CLSTN2: variants seen among roughly 807,000 people sequenced by gnomAD.
CLSTN2 encodes calsyntenin-2.
CLSTN2 carries 48 observed loss-of-function variants against 101.2 expected under a neutral mutation model. That is an observed-to-expected ratio of 0.47 (90% CI 0.38 to 0.60). CLSTN2 has a LOEUF of 0.60. Ranked by LOEUF, CLSTN2 falls within the 20% of genes least tolerant of loss-of-function variation. The probability of loss-of-function intolerance (pLI) is 0.00; values close to 1 mark genes in which losing one functional copy is unlikely to be tolerated. For missense variants in CLSTN2, 1,160 were observed against 1,238.2 expected, an observed-to-expected ratio of 0.94 and a Z score of 0.95; for synonymous variants, 481 against 463.6, an observed-to-expected ratio of 1.04 and a Z score of -0.48.
intron 2 of CLSTN2, among the ~76,000 whole-genome samples, chr3:140,194,613 C>T (rs929881924): frequency 1.3e-5 from 2 of 152,100 alleles, no homozygotes; most frequent in Non-Finnish European, 2.9e-5. Context: ...TGCTCTGAGA[C>T]TCTGGGTCTT....
chr3:140,156,924 G>A (rs909092688), intron 1 of CLSTN2, among the ~76,000 whole-genome samples: 2 of 151,912 alleles, frequency 1.3e-5, no homozygotes, highest in African/African-American at 2.4e-5. Flanking sequence ...TTTGCCTCTC[G>A]GAGGACCTGG....
At chr3:140,546,080 C>T (rs1935577912) in intron 9 of CLSTN2, among the ~76,000 whole-genome samples, 1 of 152,156 alleles carries the variant, frequency 6.6e-6, no homozygotes, top group African/African-American at 2.4e-5. Context: ...GGGGCAACTA[C>T]CTTAATGTTT....
chr3:140,460,523 C>G (rs1377700798), intron 7 of CLSTN2, among the ~76,000 whole-genome samples: 1 of 152,228 alleles, frequency 6.6e-6, no homozygotes, highest in Non-Finnish European at 1.5e-5. Context: ...CTATTCTAAA[C>G]ACAAGTCTCT....
rs938058257 is a variant in CLSTN2, at chr3:139,935,199, C to T, written c.-176C>T. 1 of 331,906 alleles carries T rather than the reference C, an allele frequency of 3.0e-6. No individual in the cohort carries two copies. 20.6% of individuals were successfully genotyped at this position (331,906 alleles called of 1,614,324 possible). A position where few individuals can be genotyped will look rare whatever the true frequency, so the allele number is the denominator to read the frequency against. On this transcript the variant is annotated 5_prime_UTR_variant, in exon 1 of 17. Transcript: ENST00000458420. This position sits in a 1 kb window ranked among gnomAD's most constrained non-coding sequence, Gnocchi z 5.5. ...GGGTCCGCGCCAGTGAGCGCGGCTG[C>T]TGCCGGCGAGCTAGCGGCGCAGCGG...
Position 140,152,388 on chromosome 3 carries a change from G to A in CLSTN2, c.110-23563G>A, listed in dbSNP as rs142937298. Among the ~76,000 whole-genome samples the A allele has an allele frequency of 2.3e-3, 347 of 152,092 alleles. 1 individual carries two copies. Among genetic ancestry groups the A allele is most frequent in the African/African-American group, 7.9e-3 (329 of 41,478 alleles). On this transcript the variant is annotated intron_variant, in intron 1 of 16. Coordinates refer to ENST00000458420, the MANE Select transcript of CLSTN2 (RefSeq NM_022131.3). Reference sequence around the variant, plus strand: ...GTTCACCTGTCATTTTTGAAGGGTGGTCCCTCTAATATTCCCAATTAGGTC... The same window carrying A: ...GTTCACCTGTCATTTTTGAAGGGTGATCCCTCTAATATTCCCAATTAGGTC...
chr3:139,952,370 A>G (rs1221886406), intron 1 of CLSTN2, among the ~76,000 whole-genome samples: 1 of 152,196 alleles, frequency 6.6e-6, no homozygotes, highest in Non-Finnish European at 1.5e-5. Flanking sequence ...CAATAAAAAG[A>G]AGAGCTTGGG....
At chr3:140,023,947 A>G (rs1023125122) in intron 1 of CLSTN2, among the ~76,000 whole-genome samples, 1 of 152,300 alleles carries the variant, frequency 6.6e-6, no homozygotes, top group Non-Finnish European at 1.5e-5. Context: ...CCTGTCTCAC[A>G]GTAGCAGGGA....
At chr3:140,452,063 G>C (rs1331506063) in intron 6 of CLSTN2, among the ~76,000 whole-genome samples, 2 of 152,098 alleles carry the variant, frequency 1.3e-5, no homozygotes, top group Non-Finnish European at 2.9e-5. Context: ...TTCTAAGAAG[G>C]CTCTTGTGTG....
intron 2 of CLSTN2, among the ~76,000 whole-genome samples, chr3:140,310,356 T>A (rs1212278247): frequency 1.4e-5 from 2 of 142,802 alleles, no homozygotes; most frequent in African/African-American, 5.2e-5. Context: ...CCCAGCACAC[T>A]CCCTCTGGCC....
intron 2 of CLSTN2, among the ~76,000 whole-genome samples, chr3:140,353,000 A>G (rs1209045044): frequency 1.3e-5 from 2 of 152,136 alleles, no homozygotes; most frequent in Non-Finnish European, 2.9e-5. Flanking sequence ...TTTTCTTGTC[A>G]TTATTCCCTT....
At chr3:140,287,012 G>A (rs1376856192) in intron 2 of CLSTN2, among the ~76,000 whole-genome samples, 1 of 152,120 alleles carries the variant, frequency 6.6e-6, no homozygotes, top group Non-Finnish European at 1.5e-5. Context: ...GATAATGAAG[G>A]GCTTTAAGAG....
intron 1 of CLSTN2, among the ~76,000 whole-genome samples, chr3:140,063,446 C>G (rs548233739): frequency 2.0e-4 from 31 of 152,216 alleles, no homozygotes; most frequent in African/African-American, 7.2e-4. Context: ...TTTCTTCACT[C>G]CGCGTCCATG....
At chr3:140,241,824 TACAC>T (rs1294837277) in intron 2 of CLSTN2, among the ~76,000 whole-genome samples, 6 of 147,224 alleles carry the variant, frequency 4.1e-5, no homozygotes, top group South Asian at 2.1e-4. Flanking sequence ...TATATATATA[TACAC>T]ACACATATAT....
chr3:140,419,199 C>A (rs2088465563), intron 4 of CLSTN2, among the ~76,000 whole-genome samples: 1 of 151,268 alleles, frequency 6.6e-6, no homozygotes, highest in African/African-American at 2.4e-5. Context: ...ATACCTGAGT[C>A]AGGCTGGGCA....
chr3:140,071,920 AAG>A (rs2008404250), intron 1 of CLSTN2, among the ~76,000 whole-genome samples: 1 of 152,196 alleles, frequency 6.6e-6, no homozygotes, highest in Admixed American at 6.5e-5. Flanking sequence ...AGAGAAATGT[AAG>A]TGAAAACAAC....
chr3:140,344,732 C>G (rs1282989379), intron 2 of CLSTN2, among the ~76,000 whole-genome samples: 1 of 152,172 alleles, frequency 6.6e-6, no homozygotes, highest in Non-Finnish European at 1.5e-5. Flanking sequence ...ACATATAAAC[C>G]TCATCACACT....
At chr3:140,151,594 G>T (rs1042468913) in intron 1 of CLSTN2, among the ~76,000 whole-genome samples, 5 of 152,106 alleles carry the variant, frequency 3.3e-5, no homozygotes, top group Admixed American at 3.3e-4. Context: ...GCTTCCTGCT[G>T]TCGGGAGGAT....
chr3:140,142,392 C>G (rs1253273559), intron 1 of CLSTN2, among the ~76,000 whole-genome samples: 1 of 152,094 alleles, frequency 6.6e-6, no homozygotes, highest in African/African-American at 2.4e-5. Context: ...ACTGTTCAGG[C>G]CCACACTGGG....
intron 2 of CLSTN2, among the ~76,000 whole-genome samples, chr3:140,350,415 G>T (rs2087593030): frequency 6.6e-6 from 1 of 152,216 alleles, no homozygotes; most frequent in African/African-American, 2.4e-5. Flanking sequence ...AAAAGTCAAA[G>T]AGTGAGGAAT....
Sources: gnomAD v4.1 joint callset for allele counts (sites outside exome capture counted in the v4.1 genomes callset) on GRCh38, gnomAD v4.1.1 for gene constraint, Gnocchi (gnomAD v3.1) non-coding constraint, MANE v1.5 for transcripts, NCBI Gene and HGNC (gene_info 2026-07-23, HGNC 2026-07-21) for gene names.